The following GALK2 variants were observed in gnomAD, a reference collection of about 807,000 sequenced individuals.
GALK2 encodes N-acetylgalactosamine kinase.
GALK2 carries 36 observed loss-of-function variants against 52.4 expected under a neutral mutation model. The observed-to-expected ratio is 0.69, with a 90% CI of 0.53 to 0.91. The LOEUF (loss-of-function observed/expected upper bound fraction) is 0.91. GALK2 is among the 40% of genes least tolerant of loss of function. The probability of loss-of-function intolerance (pLI) is 0.00; values close to 1 mark genes in which losing one functional copy is unlikely to be tolerated. For synonymous variants in GALK2, 176 were observed against 199.1 expected (o/e 0.88, Z 0.98); for missense variants, 579 against 559.1 (o/e 1.04, Z -0.36).
At chr15:49,204,022 C>T (rs527708030) in intron 2 of GALK2, among the ~76,000 whole-genome samples, 20 of 149,668 alleles carry the variant, frequency 1.3e-4, no homozygotes, top group South Asian at 6.3e-4. Context: ...GGCTGAGGCA[C>T]GAGAATCTCT....
intron 5 of GALK2, among the ~76,000 whole-genome samples, chr15:49,250,085 C>T (rs1421352707): frequency 1.3e-5 from 2 of 152,168 alleles, no homozygotes; most frequent in Admixed American, 1.3e-4. Context: ...TTGGTGTACT[C>T]TTGTGGTAAA....
At chr15:49,366,151 A>G in intron 3 of GALK2, 2 of 974,318 alleles carry the variant, frequency 2.1e-6, no homozygotes, top group Non-Finnish European at 3.4e-6. Flanking sequence ...TGAACACAGC[A>G]ATTACAAAAA....
chr15:49,227,091 T>C (rs2090176521), intron 3 of GALK2, among the ~76,000 whole-genome samples: 1 of 152,222 alleles, frequency 6.6e-6, no homozygotes, highest in Non-Finnish European at 1.5e-5. Flanking sequence ...GAGAAGAATG[T>C]ATATTCTGTA....
At chr15:49,336,650 T>A (rs1296869375), downstream of GALK2, among the ~76,000 whole-genome samples, 3 of 152,226 alleles carry the variant, frequency 2.0e-5, no homozygotes, top group African/African-American at 7.2e-5. Flanking sequence ...AGTATTTTAT[T>A]CAATTTATTT....
intron 3 of GALK2, chr15:49,366,761 T>G: frequency 1.4e-6 from 1 of 714,338 alleles, no homozygotes; most frequent in Non-Finnish European, 2.3e-6. Context: ...GCCACTGCGC[T>G]GCCTCCGTGG....
At chr15:49,307,953 G>T (rs2035680723) in intron 8 of GALK2, among the ~76,000 whole-genome samples, 1 of 152,054 alleles carries the variant, frequency 6.6e-6, no homozygotes, top group South Asian at 2.1e-4. Context: ...TTTAGTCTTT[G>T]CAGCATGGGA....
chr15:49,169,421 A>G (rs2084934820), upstream of GALK2, among the ~76,000 whole-genome samples: 1 of 152,152 alleles, frequency 6.6e-6, no homozygotes, highest in African/African-American at 2.4e-5. Context: ...CCTCAGGCAC[A>G]TCATTTCACC....
At chr15:49,180,150 G>C (rs1306710452) in intron 1 of GALK2, among the ~76,000 whole-genome samples, 1 of 152,146 alleles carries the variant, frequency 6.6e-6, no homozygotes, top group East Asian at 1.9e-4. Context: ...ATTTCATTAA[G>C]ACACATTTTA....
intron 1 of GALK2, among the ~76,000 whole-genome samples, chr15:49,157,409 TA>T (rs2084496623): frequency 6.6e-6 from 1 of 152,100 alleles, no homozygotes; most frequent in Admixed American, 6.5e-5. Context: ...GAATAAGAAG[TA>T]TTGAGGATTT....
exon 1 of GALK2, chr15:49,155,957 C>G (rs756364780): frequency 6.2e-7 from 1 of 1,612,236 alleles, no homozygotes; most frequent in East Asian, 2.2e-5. Flanking sequence ...AAGTAAGGGA[C>G]AGCTTAGGAC....
At chr15:49,220,898 TCATGTTATTTGTC>T (rs1197357248) in intron 3 of GALK2, among the ~76,000 whole-genome samples, 1 of 152,190 alleles carries the variant, frequency 6.6e-6, no homozygotes, top group Admixed American at 6.5e-5. Context: ...AAATGTCTCT[TCATGTTATTTGTC>T]CACTTTTAAA....
At chr15:49,214,292 C>T (rs569547472) in intron 2 of GALK2, among the ~76,000 whole-genome samples, 34 of 151,476 alleles carry the variant, frequency 2.2e-4, no homozygotes, top group African/African-American at 8.2e-4. Flanking sequence ...CAAAAAAACC[C>T]CCCAAAACTT....
Position 49,366,267 on chromosome 15 carries a change from T to A in GALK2, c.427-1224T>A, listed in dbSNP as rs74357970. The A allele has an allele frequency of 9.7e-3, 7,624 of 786,860 alleles. 408 individuals are homozygous for A. In the African/African-American group the frequency reaches 0.12, roughly 12 times the overall value. 48.7% of individuals were successfully genotyped at this position (786,860 alleles called of 1,614,324 possible). On this transcript the variant is annotated intron_variant, in intron 3 of 3. Coordinates refer to the GALK2 transcript ENST00000558399. Reference sequence around the variant, plus strand: ...ATATCTATAAAGTCTTTGTCACTTATAAATGCAATCAGTATTTTCACATCA... The same window carrying A: ...ATATCTATAAAGTCTTTGTCACTTAAAAATGCAATCAGTATTTTCACATCA...
At chr15:49,361,242 AT>A (rs1051136727) in intron 3 of GALK2, among the ~76,000 whole-genome samples, 52 of 151,826 alleles carry the variant, frequency 3.4e-4, no homozygotes, top group African/African-American at 9.4e-4. Context: ...TATGATGCAA[AT>A]TTTTTTTTAA....
At chr15:49,193,573 G>C (rs1019665915) in intron 1 of GALK2, among the ~76,000 whole-genome samples, 2 of 151,810 alleles carry the variant, frequency 1.3e-5, no homozygotes, top group Admixed American at 6.6e-5. Context: ...AAATTCACTT[G>C]TGTTTTCTTC....
intron 2 of GALK2, among the ~76,000 whole-genome samples, chr15:49,214,159 T>C (rs943181739): frequency 7.2e-5 from 11 of 152,064 alleles, no homozygotes; most frequent in Admixed American, 5.2e-4. Context: ...TTTTTGTATC[T>C]GTTACAGGTT....
intron 3 of GALK2, among the ~76,000 whole-genome samples, chr15:49,341,606 T>G (rs1378411962): frequency 6.6e-6 from 1 of 152,128 alleles, no homozygotes; most frequent in Admixed American, 6.5e-5. Flanking sequence ...CTTACTTCAA[T>G]CTCCCAAAGT....
At chr15:49,171,086 T>C (rs1158354633) in intron 1 of GALK2, among the ~76,000 whole-genome samples, 9 of 141,008 alleles carry the variant, frequency 6.4e-5, no homozygotes, top group South Asian at 2.5e-4. Context: ...CTTTTTCTTT[T>C]TTTTTTTTTT....
At chr15:49,352,089 C>T (rs1451637085) in intron 3 of GALK2, among the ~76,000 whole-genome samples, 1 of 152,136 alleles carries the variant, frequency 6.6e-6, no homozygotes, top group East Asian at 1.9e-4. Flanking sequence ...GGGGCTGATA[C>T]TTGCTGTGGC....
Sources: allele counts gnomAD v4.1 joint callset (sites outside exome capture counted in the v4.1 genomes callset), GRCh38; gene constraint gnomAD v4.1.1; transcripts MANE v1.5; gene names NCBI Gene and HGNC (gene_info 2026-07-23, HGNC 2026-07-21).